The following CHSY3 variants were observed in gnomAD, a reference collection of about 807,000 sequenced individuals.
CHSY3 encodes the protein N-acetylgalactosaminyl-proteoglycan 3-beta-glucuronosyltransferase 3.
Under a neutral mutation model 67.2 loss-of-function variants are expected in CHSY3, and 35 were observed. The observed-to-expected ratio is 0.52, with a 90% CI of 0.40 to 0.69. CHSY3 has a LOEUF of 0.69. Among genes scored for constraint, CHSY3 ranks in the 30% least tolerant of loss-of-function variants. CHSY3 has a pLI of 0.00. For synonymous variants in CHSY3, 474 were observed against 434.7 expected (o/e 1.09, Z -1.12); for missense variants, 1,069 against 1,138.5 (o/e 0.94, Z 0.88).
chr5:130,018,688 G>C (rs1764280218), intron 2 of CHSY3, among the ~76,000 whole-genome samples: 1 of 152,114 alleles, frequency 6.6e-6, no homozygotes, highest in Non-Finnish European at 1.5e-5. Flanking sequence ...CACTGCTATG[G>C]TTTAGATATG....
intron 2 of CHSY3, among the ~76,000 whole-genome samples, chr5:130,183,454 C>T (rs13153846): frequency 6.6e-6 from 1 of 151,528 alleles, no homozygotes; most frequent in Non-Finnish European, 1.5e-5. Flanking sequence ...AAATTTACGA[C>T]TCCCCTGGCA....
intron 2 of CHSY3, among the ~76,000 whole-genome samples, chr5:129,999,136 T>C (rs1428821308): frequency 3.3e-5 from 5 of 151,486 alleles, no homozygotes; most frequent in Admixed American, 2.0e-4. Context: ...TTTTTTTTTT[T>C]TGTTTCCTGT....
intron 2 of CHSY3, among the ~76,000 whole-genome samples, chr5:129,939,268 C>A (rs1056162427): frequency 6.6e-6 from 1 of 152,162 alleles, no homozygotes; most frequent in Non-Finnish European, 1.5e-5. Context: ...CACCTCCTAC[C>A]AGGCCCCTCC....
Position 130,042,320 on chromosome 5 carries a change from A to G in CHSY3, c.1086+133960A>G, listed in dbSNP as rs1231820318. On this transcript the variant is annotated intron_variant, in intron 2 of 2. Transcript: ENST00000305031. Reference sequence around the variant, plus strand: ...TTTGCATATAAATTTATTATAGCATAGCAGCTCACTAATATGCATTTTCCC... The same window carrying G: ...TTTGCATATAAATTTATTATAGCATGGCAGCTCACTAATATGCATTTTCCC... Among the ~76,000 whole-genome samples the G allele has an allele frequency of 3.9e-5, 6 of 152,148 alleles. No homozygotes were observed. The East Asian group carries it at 7.7e-4, about 20-fold the overall frequency.
In CHSY3 at chr5:129,926,880, T is replaced by G. The variant is rs866532356; in HGVS notation, c.1086+18520T>G. 9.2e-5 allele frequency among the ~76,000 whole-genome samples: 14 copies of G among 152,094 alleles called. No individual in the cohort carries two copies. In the South Asian group the frequency reaches 1.9e-3, roughly 20 times the overall value. Reference sequence around the variant, plus strand: ...CAATTCACTAACTTCTGCATGTCGATTGTCTAACACCTGGTCAAGTGTATA... The same window carrying G: ...CAATTCACTAACTTCTGCATGTCGAGTGTCTAACACCTGGTCAAGTGTATA... On this transcript the variant is annotated intron_variant, in intron 2 of 2. Transcript: ENST00000305031.
chr5:130,030,583 T>C (rs1394059917), intron 2 of CHSY3, among the ~76,000 whole-genome samples: 1 of 152,176 alleles, frequency 6.6e-6, no homozygotes, highest in Non-Finnish European at 1.5e-5. Flanking sequence ...TTTCTGAAAA[T>C]AACTTGTTAA....
intron 2 of CHSY3, among the ~76,000 whole-genome samples, chr5:129,960,026 G>T (rs776198323): frequency 1.3e-4 from 20 of 152,038 alleles, no homozygotes; most frequent in Non-Finnish European, 2.1e-4. Context: ...TTAGTTTTAT[G>T]ACAAGAGATG....
chr5:130,139,770 C>T lies in CHSY3; in HGVS notation c.1087-44459C>T, dbSNP rs145202113. ...AAAGCAAATATTTTTAAAGCTTCTA[C>T]AATATTAGATTGCTTAGTAGTATGA... On this transcript the variant is annotated intron_variant, in intron 2 of 2. Transcript: ENST00000305031. Among the ~76,000 whole-genome samples, 1,086 of 152,252 alleles carry T rather than the reference C, an allele frequency of 7.1e-3. 5 individuals are homozygous for T. The highest frequency in any genetic ancestry group is 0.011 in the Non-Finnish European group (746 of 68,012).
intron 2 of CHSY3, among the ~76,000 whole-genome samples, chr5:130,178,253 AT>A (rs10699248): frequency 2.1e-3 from 98 of 45,910 alleles, no homozygotes; most frequent in South Asian, 9.6e-3. Context: ...ATATATATAT[AT>A]TTTTTTTTTT....
chr5:129,973,574 C>A (rs1419110446), intron 2 of CHSY3, among the ~76,000 whole-genome samples: 1 of 152,048 alleles, frequency 6.6e-6, no homozygotes, highest in Non-Finnish European at 1.5e-5. Flanking sequence ...CCCTAATACG[C>A]CCCACTGTTA....
intron 2 of CHSY3, among the ~76,000 whole-genome samples, chr5:130,000,548 A>G (rs544500875): frequency 1.4e-4 from 21 of 150,632 alleles, no homozygotes; most frequent in African/African-American, 4.8e-4. Flanking sequence ...ATTATTTTAC[A>G]GACTGTAGTA....
intron 2 of CHSY3, among the ~76,000 whole-genome samples, chr5:129,999,677 C>T (rs1454751203): frequency 6.6e-6 from 1 of 152,080 alleles, no homozygotes; most frequent in Non-Finnish European, 1.5e-5. Context: ...ATTTCAGTTT[C>T]CTGAACACAC....
chr5:130,153,902 G>A (rs1384844953), intron 2 of CHSY3, among the ~76,000 whole-genome samples: 1 of 149,368 alleles, frequency 6.7e-6, no homozygotes, highest in Non-Finnish European at 1.5e-5. Flanking sequence ...TTGGATTTCT[G>A]GCTGTTTTTG....
Position 130,140,353 on chromosome 5 carries a change from AC to A in CHSY3, c.1087-43875del, listed in dbSNP as rs2149718846. 4 of 583,584 alleles carry A rather than the reference AC, an allele frequency of 6.9e-6. No individual in the cohort carries two copies. The South Asian group carries it at 7.7e-5, about 11-fold the overall frequency. 36.2% of individuals were successfully genotyped at this position (583,584 alleles called of 1,614,324 possible). ...CGTCCAAGTAGAATACAAGGGAGAG[AC>A]AAAAAGCTTCTATCCAGAGGAAGTG... On this transcript the variant is annotated intron_variant, in intron 2 of 2. Transcript: ENST00000305031.
chr5:130,013,143 A>G (rs1202366121), intron 2 of CHSY3, among the ~76,000 whole-genome samples: 1 of 152,060 alleles, frequency 6.6e-6, no homozygotes, highest in African/African-American at 2.4e-5. Context: ...ATGTCTCACT[A>G]TTGCAAGAGG....
At chr5:130,104,125 G>A (rs1041714553) in intron 2 of CHSY3, among the ~76,000 whole-genome samples, 2 of 151,672 alleles carry the variant, frequency 1.3e-5, no homozygotes, top group Admixed American at 6.6e-5. Flanking sequence ...TGCTTTGGTA[G>A]GCTTACCTTT....
At chr5:129,954,981 G>A (rs1762129356) in intron 2 of CHSY3, among the ~76,000 whole-genome samples, 1 of 152,062 alleles carries the variant, frequency 6.6e-6, no homozygotes, top group African/African-American at 2.4e-5. Context: ...TGATTCTCCT[G>A]CCTCAGCCTC....
At chr5:130,131,910 C>T (rs1275663852) in intron 2 of CHSY3, among the ~76,000 whole-genome samples, 6 of 152,122 alleles carry the variant, frequency 3.9e-5, no homozygotes, top group Non-Finnish European at 8.8e-5. Context: ...GAGAACACTT[C>T]TAAATTGTAT....
chr5:129,937,077 G>A (rs914473918), intron 2 of CHSY3, among the ~76,000 whole-genome samples: 2 of 152,134 alleles, frequency 1.3e-5, no homozygotes, highest in African/African-American at 4.8e-5. Context: ...CCACTTGAAG[G>A]TAAACTCTTC....
Sources: allele counts gnomAD v4.1 joint callset (sites outside exome capture counted in the v4.1 genomes callset), GRCh38; gene constraint gnomAD v4.1.1; transcripts MANE v1.5; gene names NCBI Gene and HGNC (gene_info 2026-07-23, HGNC 2026-07-21).